Variants in RFX6 observed in about 807,000 individuals in gnomAD.
The protein encoded by RFX6 is regulatory factor X6.
A neutral mutation model predicts 110.8 loss-of-function variants in RFX6; 50 were observed. That is an observed-to-expected ratio of 0.45 (90% CI 0.36 to 0.57). The LOEUF (loss-of-function observed/expected upper bound fraction) is 0.57, where lower values mean the gene tolerates loss of function less well. Among genes scored for constraint, RFX6 ranks in the 20% least tolerant of loss-of-function variants. RFX6 has a pLI of 0.00. For synonymous variants in RFX6, 383 were observed against 411.2 expected, an observed-to-expected ratio of 0.93 and a Z score of 0.83; for missense variants, 990 against 1,127.0, an observed-to-expected ratio of 0.88 and a Z score of 1.74.
At chr6:116,923,587 G>C (rs1775648811) in intron 14 of RFX6, 1 of 212,164 alleles carries the variant, frequency 4.7e-6, no homozygotes, top group Admixed American at 5.3e-5. Flanking sequence ...ATCAGTGCTT[G>C]GATAAATTTT....
chr6:116,905,710 C>T (rs1469844508), intron 6 of RFX6, among the ~76,000 whole-genome samples: 4 of 151,984 alleles, frequency 2.6e-5, no homozygotes, highest in Admixed American at 2.6e-4. Flanking sequence ...TGCCACCATG[C>T]CCAGCTAATT....
At position 116,922,075 on chromosome 6, in the gene RFX6, A is replaced by G. The variant is rs1315778726; in HGVS notation, c.1361A>G (p.Asp454Gly). Residue 454 changes from aspartate (D) to glycine (G), a missense_variant, in exon 13 of 19, where the codon GAT becomes GGT. Transcript: ENST00000332958. ...DSITVFQELK[D>G]LLKKNATVEA... is the part of the protein sequence containing the mutation. ...ATCACTGTGTTCCAAGAACTGAAGG[A>G]TCTCCTTAAGAAGAATGCCACTGTG... 1 of 1,546,220 alleles carries G rather than the reference A, an allele frequency of 6.5e-7. No homozygotes were observed. The highest frequency in any genetic ancestry group is 1.7e-5 in the Admixed American group (1 of 59,458).
At chr6:116,898,140 GA>G (rs1446941443) in intron 6 of RFX6, among the ~76,000 whole-genome samples, 2 of 152,162 alleles carry the variant, frequency 1.3e-5, no homozygotes, top group African/African-American at 2.4e-5. Context: ...AGATGGTGCT[GA>G]AAAGTCATCA....
At chr6:116,886,440 G>A (rs750844459) in intron 4 of RFX6, among the ~76,000 whole-genome samples, 1 of 152,094 alleles carries the variant, frequency 6.6e-6, no homozygotes, top group Admixed American at 6.6e-5. Flanking sequence ...TGTCTTTGAG[G>A]TTCATGAAGC....
intron 4 of RFX6, among the ~76,000 whole-genome samples, chr6:116,887,088 A>T (rs1019135605): frequency 3.9e-5 from 6 of 152,064 alleles, no homozygotes; most frequent in Non-Finnish European, 8.8e-5. Flanking sequence ...AAACAAAAAT[A>T]AAAAAATAAT....
At chr6:116,886,425 T>C (rs1334936330) in intron 4 of RFX6, among the ~76,000 whole-genome samples, 1 of 152,180 alleles carries the variant, frequency 6.6e-6, no homozygotes, top group Non-Finnish European at 1.5e-5. Flanking sequence ...AAAATTGTTC[T>C]TAGATGTCTT....
rs986756500 is a variant in RFX6 at position 116,926,934 on chromosome 6, A to G, written c.1886-93A>G. 2.5e-6 allele frequency: 3 copies of G among 1,209,462 alleles called. No individual in the cohort carries two copies. In the African/African-American group the frequency reaches 4.5e-5, roughly 18 times the overall value. The allele number at this position is 1,209,462 out of a possible 1,614,324, so 74.9% of individuals were successfully genotyped here. Reference sequence around the variant, plus strand: ...GCAGGAATGAAGCAAGCTGGAAAACAATACATTAATAAATCTTTTGAATAT... The same window carrying G: ...GCAGGAATGAAGCAAGCTGGAAAACGATACATTAATAAATCTTTTGAATAT... On this transcript the variant is annotated intron_variant, in intron 16 of 18. Coordinates refer to ENST00000332958, the MANE Select transcript of RFX6 (RefSeq NM_173560.4).
chr6:116,882,439 A>G lies in RFX6; in HGVS notation c.566+11A>G, dbSNP rs903009640. 19 of 1,598,452 alleles carry G rather than the reference A, an allele frequency of 1.2e-5. No individual in the cohort carries two copies. The highest frequency in any genetic ancestry group is 3.3e-4 in the Middle Eastern group (2 of 6,018). On this transcript the variant is annotated intron_variant, in intron 4 of 18. Transcript: ENST00000332958. The stretch of plus-strand genomic sequence containing the variant: ...AAGAGGCCATTCAAAGTAAGATACC[A>G]GTGAACATATTCAGGTTCTGCTCTT...
At chr6:116,895,540 T>C (rs1025443918) in intron 6 of RFX6, among the ~76,000 whole-genome samples, 1 of 152,152 alleles carries the variant, frequency 6.6e-6, no homozygotes, top group Admixed American at 6.6e-5. Context: ...GCTGAGGATA[T>C]GGAAAGAATT....
chr6:116,913,111 G>T (rs1252347929), intron 7 of RFX6, among the ~76,000 whole-genome samples: 2 of 152,116 alleles, frequency 1.3e-5, no homozygotes, highest in African/African-American at 4.8e-5. Flanking sequence ...TGTTGCCCAG[G>T]CTGGAGTGCA....
chr6:116,880,057 G>A (rs1774553893), intron 2 of RFX6, among the ~76,000 whole-genome samples: 1 of 152,014 alleles, frequency 6.6e-6, no homozygotes, highest in African/African-American at 2.4e-5. Context: ...ATCCTCATGT[G>A]TTTTGCAAAT....
At chr6:116,895,331 C>T (rs755274691) in intron 6 of RFX6, 124 bp downstream of exon 6, 7 of 597,288 alleles carry the variant, frequency 1.2e-5, no homozygotes, top group South Asian at 2.1e-5. Context: ...AATTCCTTGA[C>T]GAAGGACTTC....
intron 6 of RFX6, 82 bp downstream of exon 6, chr6:116,895,289 G>T: frequency 1.3e-6 from 1 of 765,526 alleles, no homozygotes; most frequent in Non-Finnish European, 2.2e-6. Flanking sequence ...TATTCCCTTT[G>T]GCAAATGTAG....
intron 7 of RFX6, among the ~76,000 whole-genome samples, chr6:116,911,626 T>G (rs1247990551): frequency 6.6e-6 from 1 of 152,218 alleles, no homozygotes; most frequent in East Asian, 1.9e-4. Context: ...GCGTGTAAAC[T>G]ATATCTTCGA....
chr6:116,914,111 C>T (rs919801147), intron 7 of RFX6, among the ~76,000 whole-genome samples: 12 of 152,162 alleles, frequency 7.9e-5, no homozygotes, highest in Non-Finnish European at 1.6e-4. Flanking sequence ...CCTCTGGTAA[C>T]CACCAGTCTA....
At chr6:116,914,082 C>T (rs1300059177) in intron 7 of RFX6, among the ~76,000 whole-genome samples, 1 of 152,140 alleles carries the variant, frequency 6.6e-6, no homozygotes, top group Non-Finnish European at 1.5e-5. Context: ...TTATTTTCCT[C>T]TCCCCCTCCT....
At position 116,887,326 on chromosome 6, in the gene RFX6, C is replaced by T. The variant is rs532011466; in HGVS notation, c.566+4898C>T. Among the ~76,000 whole-genome samples the T allele has an allele frequency of 3.3e-4, 50 of 152,194 alleles. No individual in the cohort carries two copies. In the South Asian group the frequency reaches 9.9e-3, roughly 30 times the overall value. ...GCACCTAACAAGTGTGCTTTGGGGA[C>T]AAAGCCAGTCAATTTGCAGGTCCAT... On this transcript the variant is annotated intron_variant, in intron 4 of 18. Coordinates refer to ENST00000332958, the MANE Select transcript of RFX6 (RefSeq NM_173560.4).
intron 6 of RFX6, 151 bp from the exon 7 acceptor site, chr6:116,910,784 C>T: frequency 1.5e-6 from 1 of 668,736 alleles, no homozygotes; most frequent in Non-Finnish European, 2.7e-6. Context: ...TTCAGTTACA[C>T]AATCTAAACA....
In RFX6 at chr6:116,916,025, G is replaced by A; in HGVS notation, c.798G>A (p.Met266Ile). ...TGAAATAGGTTGATACGCTCATAAT[G>A]ATGTACAAAACTCACTGCCAGTGTA... ...ISKDKVDTLI[M>I]MYKTHCQCIL... The change falls in exon 8 of 19, where the codon ATG (methionine) becomes ATA (isoleucine). Residue 266 changes from methionine to isoleucine, a missense_variant. Met to Ile is a conservative substitution (Grantham distance 10). This residue lies in a region of RFX6 where 243 missense variants were observed against 353.1 expected (regional missense o/e 0.69). Coordinates refer to ENST00000332958, the MANE Select transcript of RFX6 (RefSeq NM_173560.4). 1 of 1,610,686 alleles carries A rather than the reference G, an allele frequency of 6.2e-7. No homozygotes were observed. Among genetic ancestry groups the A allele is most frequent in the Non-Finnish European group, 8.5e-7 (1 of 1,177,246 alleles).
Sources: gnomAD v4.1 joint callset for allele counts (sites outside exome capture counted in the v4.1 genomes callset) on GRCh38, gnomAD v4.1.1 for gene constraint, gnomAD v4.1.1 regional missense constraint, MANE v1.5 for transcripts, NCBI Gene and HGNC (gene_info 2026-07-23, HGNC 2026-07-21) for gene names.